CSMD1: variants seen among roughly 807,000 people sequenced by gnomAD.
The protein encoded by CSMD1 is CUB and sushi domain-containing protein 1.
CSMD1 carries 213 observed loss-of-function variants against 417.5 expected under a neutral mutation model. The observed-to-expected ratio is 0.51, with a 90% CI of 0.46 to 0.57. CSMD1 has a LOEUF of 0.57. Ranked by LOEUF, CSMD1 falls within the 20% of genes least tolerant of loss-of-function variation. The pLI is 0.00. For synonymous variants in CSMD1, 2,862 were observed against 1,736.8 expected (o/e 1.65, Z -16.11); for missense variants, 6,923 against 4,529.7 (o/e 1.53, Z -15.17).
At chr8:4,692,114 T>A (rs1486855125) in intron 1 of CSMD1, among the ~76,000 whole-genome samples, 1 of 152,094 alleles carries the variant, frequency 6.6e-6, no homozygotes, top group African/African-American at 2.4e-5. Context: ...GGCACCCTGG[T>A]ACTCAGCCCA....
chr8:3,289,074 G>C (rs575384983), intron 25 of CSMD1, among the ~76,000 whole-genome samples: 1 of 147,096 alleles, frequency 6.8e-6, no homozygotes, highest in Non-Finnish European at 1.5e-5. Flanking sequence ...AGAACATGCG[G>C]TATTTAGTTT....
rs1274268812 is a variant in CSMD1 at position 3,367,149 on chromosome 8, T to C, written c.2998A>G (p.Thr1000Ala). The part of the protein sequence containing the change: ...GSFSEPVARL[T>A]GSVLPHTIKA... ...ATCGTATGAGGCAACACCGACCCGG[T>C]GAGCCTGGCAACGGGCTCGGAAAAA... The change falls in exon 20 of 70, where the codon ACC becomes GCC. Residue 1000 changes from threonine (T) to alanine (A), a missense_variant. Transcript: ENST00000635120. 5 of 1,613,624 alleles carry C rather than the reference T, an allele frequency of 3.1e-6. No homozygotes were observed. The highest frequency in any genetic ancestry group is 4.2e-6 in the Non-Finnish European group (5 of 1,179,794).
intron 5 of CSMD1, among the ~76,000 whole-genome samples, chr8:3,913,109 T>G (rs940379394): frequency 2.0e-5 from 3 of 152,180 alleles, no homozygotes; most frequent in African/African-American, 7.2e-5. Context: ...TGTGTTGCAG[T>G]GGTCATGTGG....
chr8:3,701,418 G>A (rs1471320161), intron 7 of CSMD1, among the ~76,000 whole-genome samples: 3 of 152,032 alleles, frequency 2.0e-5, no homozygotes, highest in African/African-American at 4.8e-5. Context: ...GTCTGTCCCC[G>A]GGCTGAACCG....
rs150963899 is a variant in CSMD1 at position 4,011,309 on chromosome 8, G to A, written c.611-13199C>T. ...TGTTTTTAGTGGAGAATTGCTCTCT[G>A]CATATAACCGTGCTCCAATTGCCCC... On this transcript the variant is annotated intron_variant, in intron 4 of 69. Transcript: ENST00000635120. 2.4e-4 allele frequency among the ~76,000 whole-genome samples: 37 copies of A among 152,190 alleles called. No individual in the cohort carries two copies. In the East Asian group the frequency reaches 6.4e-3, roughly 26 times the overall value.
intron 1 of CSMD1, among the ~76,000 whole-genome samples, chr8:4,686,998 G>A (rs747153961): frequency 2.1e-4 from 32 of 152,342 alleles, no homozygotes; most frequent in Non-Finnish European, 2.8e-4. Context: ...GACCACTCAT[G>A]ATGCTGGCAC....
chr8:3,591,766 CAA>C (rs149460302), intron 8 of CSMD1, among the ~76,000 whole-genome samples: 16,031 of 151,612 alleles, frequency 0.11, 1,067 homozygotes, highest in Non-Finnish European at 0.14. Context: ...AGATGATAGA[CAA>C]AGAGATGGAT....
chr8:4,915,379 G>T (rs556877406), intron 1 of CSMD1, among the ~76,000 whole-genome samples: 1 of 152,192 alleles, frequency 6.6e-6, no homozygotes, highest in Non-Finnish European at 1.5e-5. Context: ...GACAATCGTA[G>T]ATTCTGATCC....
chr8:4,694,894 C>T (rs1807015301), intron 1 of CSMD1, among the ~76,000 whole-genome samples: 2 of 152,226 alleles, frequency 1.3e-5, no homozygotes, highest in South Asian at 4.1e-4. Flanking sequence ...ACATTTTACT[C>T]CAAAATCCAA....
chr8:4,798,241 C>A (rs1798086953), intron 1 of CSMD1, among the ~76,000 whole-genome samples: 1 of 152,112 alleles, frequency 6.6e-6, no homozygotes, highest in Non-Finnish European at 1.5e-5. Flanking sequence ...CAGTTCCCAC[C>A]TATGAGTGAG....
rs370279582 is a variant in CSMD1 at position 4,493,247 on chromosome 8, G to C, written c.303-73182C>G. 2.1e-4 allele frequency among the ~76,000 whole-genome samples: 32 copies of C among 152,172 alleles called. No homozygotes were observed. In the South Asian group the frequency reaches 6.6e-3, roughly 32 times the overall value. On this transcript the variant is annotated intron_variant, in intron 2 of 69. Transcript: ENST00000635120. ...ATATTAGGTAAAATAATTTAAGATT[G>C]TCTTAACAAATAATTGTCATTCTTC... is the stretch of plus-strand genomic sequence containing the variant.
chr8:4,389,699 AT>A (rs1221867361), intron 3 of CSMD1, among the ~76,000 whole-genome samples: 1 of 152,038 alleles, frequency 6.6e-6, no homozygotes, highest in Non-Finnish European at 1.5e-5. Context: ...ACATTCTAAG[AT>A]TTTTTTATTT....
At chr8:3,644,277 T>C (rs1034654747) in intron 7 of CSMD1, among the ~76,000 whole-genome samples, 1 of 152,224 alleles carries the variant, frequency 6.6e-6, no homozygotes, top group Non-Finnish European at 1.5e-5. Flanking sequence ...TGTTAGAGAA[T>C]TTAAACAACA....
intron 3 of CSMD1, among the ~76,000 whole-genome samples, chr8:4,132,410 A>G (rs182052686): frequency 6.6e-6 from 1 of 152,130 alleles, no homozygotes; most frequent in Non-Finnish European, 1.5e-5. Context: ...TCTGAAAATG[A>G]TGTTTACCCA....
At chr8:3,924,721 T>A (rs1279244549) in intron 5 of CSMD1, among the ~76,000 whole-genome samples, 2 of 152,164 alleles carry the variant, frequency 1.3e-5, no homozygotes, top group African/African-American at 4.8e-5. Flanking sequence ...ATATTTATAA[T>A]GTTCACCTCT....
chr8:4,307,228 C>T (rs1236195400), intron 3 of CSMD1, among the ~76,000 whole-genome samples: 2 of 152,220 alleles, frequency 1.3e-5, no homozygotes, highest in South Asian at 4.1e-4. Flanking sequence ...TAATACAGCT[C>T]ATTTGTGAGT....
chr8:4,934,973 C>A (rs1807510434), intron 1 of CSMD1, among the ~76,000 whole-genome samples: 1 of 152,190 alleles, frequency 6.6e-6, no homozygotes, highest in Admixed American at 6.5e-5. Context: ...TATCTATCAT[C>A]TATCAATCAT....
intron 6 of CSMD1, 150 bp downstream of exon 6, chr8:3,753,780 G>A (rs369888585): frequency 2.2e-5 from 12 of 533,788 alleles, no homozygotes; most frequent in African/African-American, 5.7e-5. Context: ...CCCAGCTGTC[G>A]ACTATATGAT....
chr8:4,194,569 A>T (rs1282118224), intron 3 of CSMD1, among the ~76,000 whole-genome samples: 2 of 152,176 alleles, frequency 1.3e-5, no homozygotes, highest in African/African-American at 2.4e-5. Flanking sequence ...AATAAAAAGT[A>T]CGCCATTTTC....
Sources: allele counts gnomAD v4.1 joint callset (sites outside exome capture counted in the v4.1 genomes callset), GRCh38; gene constraint gnomAD v4.1.1; transcripts MANE v1.5; gene names NCBI Gene and HGNC (gene_info 2026-07-23, HGNC 2026-07-21).